WDR27: variants seen among roughly 807,000 people sequenced by gnomAD.
The protein encoded by WDR27 is WD repeat-containing protein 27.
A neutral mutation model predicts 114.4 loss-of-function variants in WDR27; 100 were observed. That is an observed-to-expected ratio of 0.87 (90% confidence interval 0.74 to 1.03). The LOEUF is 1.03. WDR27 is among the 50% of genes least tolerant of loss of function. WDR27 has a pLI of 0.00. For missense variants in WDR27, 1,129 were observed against 1,092.9 expected (o/e 1.03, Z -0.47); for synonymous variants, 449 against 423.1 (o/e 1.06, Z -0.75).
chr6:169,495,779 CA>C (rs60978521), intron 25 of WDR27, among the ~76,000 whole-genome samples: 2,713 of 151,948 alleles, frequency 0.018, 86 homozygotes, highest in African/African-American at 0.062. Context: ...AATCAGTAAC[CA>C]AAAATTTCCA....
At chr6:169,613,118 A>G (rs2128186103) in intron 22 of WDR27, among the ~76,000 whole-genome samples, 1 of 152,350 alleles carries the variant, frequency 6.6e-6, no homozygotes, top group African/African-American at 2.4e-5. Flanking sequence ...ACTTAATGAT[A>G]GTATATCTAA....
chr6:169,509,346 A>C (rs1381210213), intron 25 of WDR27, among the ~76,000 whole-genome samples: 1 of 152,234 alleles, frequency 6.6e-6, no homozygotes, highest in Non-Finnish European at 1.5e-5. Context: ...AAAAGAACAA[A>C]GCTGAAGGCA....
intron 19 of WDR27, among the ~76,000 whole-genome samples, chr6:169,635,231 T>C (rs546045504): frequency 6.3e-4 from 94 of 150,346 alleles, no homozygotes; most frequent in South Asian, 1.1e-3. Flanking sequence ...CCAGGTGTGG[T>C]TGGGGGGCAG....
intron 13 of WDR27, among the ~76,000 whole-genome samples, chr6:169,653,489 G>C (rs1482988797): frequency 6.6e-6 from 1 of 152,048 alleles, no homozygotes; most frequent in African/African-American, 2.4e-5. Flanking sequence ...ACAAAAATCA[G>C]TCTTTACCAC....
chr6:169,552,140 G>C (rs1201087421), intron 25 of WDR27, among the ~76,000 whole-genome samples: 6 of 152,008 alleles, frequency 3.9e-5, no homozygotes, highest in Non-Finnish European at 7.4e-5. Context: ...AAGCATCCAG[G>C]CTCCATCCTG....
At chr6:169,484,531 C>G (rs983333050) in intron 25 of WDR27, among the ~76,000 whole-genome samples, 3 of 152,018 alleles carry the variant, frequency 2.0e-5, no homozygotes, top group African/African-American at 7.2e-5. Context: ...AGGAAACAAA[C>G]GAATGAAAAA....
intron 24 of WDR27, among the ~76,000 whole-genome samples, chr6:169,575,048 T>C (rs1309393205): frequency 1.3e-5 from 2 of 152,080 alleles, no homozygotes; most frequent in Non-Finnish European, 2.9e-5. Flanking sequence ...CTTAAACCAG[T>C]ACCCCCCAAT....
chr6:169,463,007 T>C (rs1184576257), intron 25 of WDR27, among the ~76,000 whole-genome samples: 2 of 152,200 alleles, frequency 1.3e-5, no homozygotes, highest in Admixed American at 1.3e-4. Context: ...TTTGTGCTGC[T>C]ATAAAAGACT....
chr6:169,617,736 C>T lies in WDR27; in HGVS notation c.2224-4080G>A, dbSNP rs117751943. 1.3e-3 allele frequency among the ~76,000 whole-genome samples: 200 copies of T among 152,262 alleles called. 4 individuals are homozygous for T. The East Asian group carries it at 0.031, about 24-fold the overall frequency. ...TACTTGGCCAGCGCCATCTTGCCTG[C>T]TCCTTACTGTACACATGGCTGGCAG... On this transcript the variant is annotated intron_variant, in intron 21 of 25. Coordinates refer to ENST00000448612, the MANE Select transcript of WDR27 (RefSeq NM_182552.5).
At chr6:169,640,188 G>A (rs1043413269) in intron 17 of WDR27, among the ~76,000 whole-genome samples, 1 of 152,152 alleles carries the variant, frequency 6.6e-6, no homozygotes, top group Admixed American at 6.5e-5. Context: ...GAAAATTCCT[G>A]CCATAGCCGG....
intron 25 of WDR27, among the ~76,000 whole-genome samples, chr6:169,524,249 G>GA (rs976613156): frequency 2.0e-5 from 3 of 151,946 alleles, no homozygotes; most frequent in Non-Finnish European, 4.4e-5. Context: ...ATCTAATAAG[G>GA]AAAAATATAA....
intron 16 of WDR27, among the ~76,000 whole-genome samples, chr6:169,645,227 C>T (rs530865484): frequency 4.0e-5 from 6 of 151,826 alleles, no homozygotes; most frequent in African/African-American, 1.4e-4. Flanking sequence ...AAGCCTAGTT[C>T]ACAGGAGTCA....
intron 25 of WDR27, among the ~76,000 whole-genome samples, chr6:169,496,888 G>A (rs1790476169): frequency 6.6e-6 from 1 of 152,076 alleles, no homozygotes; most frequent in Admixed American, 6.5e-5. Context: ...CAGATGCAAT[G>A]CAATCCCTGT....
intron 25 of WDR27, among the ~76,000 whole-genome samples, chr6:169,465,979 CCACT>C (rs935763520): frequency 6.6e-6 from 1 of 152,082 alleles, no homozygotes; most frequent in Admixed American, 6.5e-5. Flanking sequence ...ATATTTAACA[CCACT>C]CACTATAGAC....
rs1562628287 is a variant in WDR27, at chr6:169,582,900, GAA to G, written c.2457_2458del (p.His821ProfsTer57). ...GTCTGTGTGCCCAGCCAGCCGGTGA[GAA>G]AACGTGCTTGAGCCCATTTCATACA... is the stretch of plus-strand genomic sequence containing the variant. On this transcript the variant is annotated frameshift_variant, in exon 24 of 26. Transcript: ENST00000448612. LOFTEE classifies it high-confidence loss of function. The G allele has an allele frequency of 5.0e-6, 8 of 1,613,848 alleles. No individual in the cohort carries two copies. The highest frequency in any genetic ancestry group is 6.8e-6 in the Non-Finnish European group (8 of 1,179,894).
intron 25 of WDR27, among the ~76,000 whole-genome samples, chr6:169,542,486 G>C (rs139160046): frequency 7.4e-4 from 112 of 152,200 alleles, no homozygotes; most frequent in Non-Finnish European, 9.6e-4. Flanking sequence ...GGTCAAGAAA[G>C]ACAGAAAGGC....
intron 25 of WDR27, among the ~76,000 whole-genome samples, chr6:169,556,100 T>C (rs1369549382): frequency 1.3e-5 from 2 of 152,202 alleles, no homozygotes; most frequent in African/African-American, 4.8e-5. Context: ...AGTTGCATCC[T>C]GCTGGAGTCT....
the WDR27 span, among the ~76,000 whole-genome samples, chr6:169,446,062 G>C: frequency 6.6e-6 from 1 of 152,262 alleles, no homozygotes; most frequent in African/African-American, 2.4e-5. Context: ...GAAGGCCAAA[G>C]AACTGGTTAC....
intron 25 of WDR27, among the ~76,000 whole-genome samples, chr6:169,528,615 C>G (rs1202098757): frequency 6.6e-6 from 1 of 152,230 alleles, no homozygotes; most frequent in Non-Finnish European, 1.5e-5. Context: ...CAACCTCTGC[C>G]TCTCAGGTTC....
Sources: gnomAD v4.1 joint callset for allele counts (sites outside exome capture counted in the v4.1 genomes callset) on GRCh38, gnomAD v4.1.1 for gene constraint, MANE v1.5 for transcripts, NCBI Gene and HGNC (gene_info 2026-07-23, HGNC 2026-07-21) for gene names.